The following SUGCT variants were observed in gnomAD, a reference collection of about 807,000 sequenced individuals.
SUGCT encodes succinyl-CoA:glutarate CoA-transferase.
SUGCT carries 41 observed loss-of-function variants against 55.0 expected under a neutral mutation model. The observed-to-expected ratio is 0.74, with a 90% CI of 0.58 to 0.97. The LOEUF is 0.97. Among genes scored for constraint, SUGCT ranks in the 50% least tolerant of loss-of-function variants. The pLI is 0.00. For synonymous variants in SUGCT, 187 were observed against 200.4 expected, an observed-to-expected ratio of 0.93 and a Z score of 0.56; for missense variants, 568 against 547.8, an observed-to-expected ratio of 1.04 and a Z score of -0.37.
chr7:40,840,623 A>T (rs535823750), intron 13 of SUGCT, among the ~76,000 whole-genome samples: 28 of 152,142 alleles, frequency 1.8e-4, no homozygotes, highest in Non-Finnish European at 2.6e-4. Context: ...TCTCAAATCA[A>T]TCATCTAAGT....
At chr7:40,537,830 A>T (rs1794451551) in intron 12 of SUGCT, among the ~76,000 whole-genome samples, 1 of 152,204 alleles carries the variant, frequency 6.6e-6, no homozygotes, top group South Asian at 2.1e-4. Context: ...CATGAGGCTA[A>T]TCTTAGACGA....
chr7:40,664,529 C>T (rs955412181), intron 12 of SUGCT, among the ~76,000 whole-genome samples: 4 of 152,038 alleles, frequency 2.6e-5, no homozygotes, highest in South Asian at 2.1e-4. Context: ...CCCTGAAGAA[C>T]GGAATGAGCA....
At chr7:40,617,475 ATGTGTGTGTGTGTGTGTG>A (rs34487309) in intron 12 of SUGCT, among the ~76,000 whole-genome samples, 12 of 143,562 alleles carry the variant, frequency 8.4e-5, no homozygotes, top group African/African-American at 2.8e-4. Flanking sequence ...TTAGATTTAT[ATGTGTGTGTGTGTGTGTG>A]TGTGTGTGTG....
At chr7:40,279,461 G>A (rs1792806334) in intron 8 of SUGCT, among the ~76,000 whole-genome samples, 1 of 152,016 alleles carries the variant, frequency 6.6e-6, no homozygotes, top group African/African-American at 2.4e-5. Context: ...TGGATGTTGG[G>A]GAAGCAATCT....
chr7:41,030,785 G>A, the SUGCT span, among the ~76,000 whole-genome samples: 1 of 152,120 alleles, frequency 6.6e-6, no homozygotes, highest in Non-Finnish European at 1.5e-5. Flanking sequence ...AAGTGAGATC[G>A]TTGCCTCTGA....
chr7:40,265,517 C>A (rs1380659060), intron 7 of SUGCT, among the ~76,000 whole-genome samples: 1 of 151,986 alleles, frequency 6.6e-6, no homozygotes, highest in East Asian at 1.9e-4. Flanking sequence ...TTCCCTGTTT[C>A]ATTTGGCAAG....
rs148297860 is a variant in SUGCT, at chr7:40,793,473, T to G, written c.1153+43976T>G. Among the ~76,000 whole-genome samples, 61 of 152,338 alleles carry G rather than the reference T, an allele frequency of 4.0e-4. No homozygotes were observed. In the East Asian group the frequency reaches 0.012, roughly 29 times the overall value. ...TGGCTGCATTCTTGCTGTTGAGAAGTCAGCGTTCTAACTGTTGTTACTTCA... is the reference window on the plus strand; with the variant it reads ...TGGCTGCATTCTTGCTGTTGAGAAGGCAGCGTTCTAACTGTTGTTACTTCA... On this transcript the variant is annotated intron_variant, in intron 13 of 13. Coordinates refer to ENST00000335693, the MANE Select transcript of SUGCT (RefSeq NM_001193313.2).
the SUGCT span, among the ~76,000 whole-genome samples, chr7:41,015,984 C>T: frequency 6.6e-6 from 1 of 152,248 alleles, no homozygotes; most frequent in African/African-American, 2.4e-5. Context: ...CTGCATTCAG[C>T]GAGAACAGTG....
chr7:40,675,941 C>T (rs1457318192), intron 12 of SUGCT, among the ~76,000 whole-genome samples: 1 of 152,108 alleles, frequency 6.6e-6, no homozygotes, highest in Non-Finnish European at 1.5e-5. Flanking sequence ...TGGCCGCAGT[C>T]AGATTGGAGA....
chr7:40,238,096 A>G (rs1223927846), intron 7 of SUGCT, among the ~76,000 whole-genome samples: 1 of 152,214 alleles, frequency 6.6e-6, no homozygotes. Context: ...GAAATAAAAC[A>G]GTTGACTAGA....
intron 12 of SUGCT, among the ~76,000 whole-genome samples, chr7:40,596,010 T>G (rs1469677402): frequency 2.0e-5 from 3 of 152,230 alleles, no homozygotes; most frequent in Non-Finnish European, 4.4e-5. Context: ...ACAAATAGTT[T>G]CATTTCCATG....
intron 12 of SUGCT, among the ~76,000 whole-genome samples, chr7:40,726,697 G>A (rs868252425): frequency 6.6e-6 from 1 of 152,276 alleles, no homozygotes; most frequent in South Asian, 2.1e-4. Context: ...CGCCGCAACC[G>A]AATTGCCAGG....
At chr7:40,836,113 G>T (rs1584511562) in intron 13 of SUGCT, among the ~76,000 whole-genome samples, 1 of 151,216 alleles carries the variant, frequency 6.6e-6, no homozygotes, top group South Asian at 2.1e-4. Context: ...TGTCCAGTCT[G>T]GTCTCAAACT....
At chr7:40,985,008 G>T in the SUGCT span, among the ~76,000 whole-genome samples, 2,437 of 152,238 alleles carry the variant, frequency 0.016, 51 homozygotes, top group African/African-American at 0.056. Context: ...CATTTTCAAA[G>T]AACAAAGTGT....
In SUGCT at chr7:40,180,946, GATATGAACA is replaced by G; in HGVS notation, c.105_113del (p.Met35_Asn37del). The G allele has an allele frequency of 1.9e-6, 3 of 1,604,166 alleles. No individual in the cohort carries two copies. The highest frequency in any genetic ancestry group is 2.6e-6 in the Non-Finnish European group (3 of 1,171,672). ...TTGAAATGTTTTCTCTGTTTTGCCA[GATATGAACA>G]ATATAAAGCCATTGGAAGGGGTAAA... is the stretch of plus-strand genomic sequence containing the variant. On this transcript the variant is annotated inframe_deletion and splice_region_variant, in exon 2 of 14. Transcript: ENST00000335693.
chr7:40,976,053 G>A, the SUGCT span, among the ~76,000 whole-genome samples: 2 of 152,178 alleles, frequency 1.3e-5, no homozygotes, highest in Non-Finnish European at 2.9e-5. Context: ...TATGGCTAGC[G>A]TCCTGCAAGC....
chr7:40,978,499 T>C, the SUGCT span, among the ~76,000 whole-genome samples: 1 of 152,070 alleles, frequency 6.6e-6, no homozygotes. Context: ...GTCCCCGTGC[T>C]CATGGGCCTC....
chr7:40,844,819 G>C (rs1046793881), intron 13 of SUGCT, among the ~76,000 whole-genome samples: 43 of 152,168 alleles, frequency 2.8e-4, no homozygotes, highest in African/African-American at 1.0e-3. Context: ...GCATTAGGCT[G>C]GCTGTAAAAA....
chr7:40,182,438 T>C (rs1785269116), intron 3 of SUGCT, among the ~76,000 whole-genome samples: 2 of 151,882 alleles, frequency 1.3e-5, no homozygotes, highest in African/African-American at 2.4e-5. Flanking sequence ...GGCATGGACC[T>C]GTAATTGCAG....
Sources: allele counts gnomAD v4.1 joint callset (sites outside exome capture counted in the v4.1 genomes callset), GRCh38; gene constraint gnomAD v4.1.1; transcripts MANE v1.5; gene names NCBI Gene and HGNC (gene_info 2026-07-23, HGNC 2026-07-21).